Variants in FIBCD1 observed in about 807,000 individuals in gnomAD.
The protein encoded by FIBCD1 is fibrinogen C domain-containing protein 1.
A neutral mutation model predicts 45.1 loss-of-function variants in FIBCD1; 47 were observed. The ratio of observed to expected loss-of-function variants is 1.04; its 90% confidence interval spans 0.82 to 1.33. The LOEUF (loss-of-function observed/expected upper bound fraction) is 1.33. Ranked by LOEUF, FIBCD1 falls within the 40% of genes most tolerant of loss-of-function variation. The pLI, the probability that FIBCD1 is intolerant of heterozygous loss-of-function variation, is 0.00. For missense variants in FIBCD1, 653 were observed against 682.2 expected (o/e 0.96, Z 0.48); for synonymous variants, 313 against 308.1 (o/e 1.02, Z -0.17).
chr9:130,910,188 A>G (rs1361304212), intron 5 of FIBCD1, among the ~76,000 whole-genome samples: 3 of 152,188 alleles, frequency 2.0e-5, no homozygotes, highest in Admixed American at 6.5e-5. Flanking sequence ...CCAGGTGGGC[A>G]TGGGCTTGGC....
Position 130,926,636 on chromosome 9 carries a change from A to G in FIBCD1, c.553-2240T>C, listed in dbSNP as rs1398828808. Among the ~76,000 whole-genome samples the G allele has an allele frequency of 2.6e-5, 4 of 152,106 alleles. No individual in the cohort carries two copies. Among genetic ancestry groups the G allele is most frequent in the African/African-American group, 9.7e-5 (4 of 41,416 alleles). Reference sequence around the variant, plus strand: ...GGAGTTTGAGACCAGCCTGGCCAACATGGTGAAACTCTGTGTCTACTAAAA... The same window carrying G: ...GGAGTTTGAGACCAGCCTGGCCAACGTGGTGAAACTCTGTGTCTACTAAAA... On this transcript the variant is annotated intron_variant, in intron 2 of 6. Coordinates refer to ENST00000372338, the MANE Select transcript of FIBCD1 (RefSeq NM_032843.5). The surrounding 1 kb of genome is among the most constrained non-coding windows in gnomAD (Gnocchi z 4.1).
At chr9:130,913,060 G>A (rs912371858) in intron 4 of FIBCD1, among the ~76,000 whole-genome samples, 1 of 152,066 alleles carries the variant, frequency 6.6e-6, no homozygotes, top group African/African-American at 2.4e-5. Flanking sequence ...ACCAACGAGC[G>A]CCTGGGCTGC....
At chr9:130,936,969 AGG>A (rs1316092104) in intron 1 of FIBCD1, among the ~76,000 whole-genome samples, 2 of 60,644 alleles carry the variant, frequency 3.3e-5, no homozygotes, top group African/African-American at 9.0e-5. Flanking sequence ...CCCTGAGTGA[AGG>A]GGTGTGTGTG....
chr9:130,905,518 A>G, intron 5 of FIBCD1, 105 bp from the exon 6 acceptor site: 2 of 1,209,216 alleles, frequency 1.7e-6, no homozygotes, highest in South Asian at 1.5e-5. Flanking sequence ...GGGGACAGAA[A>G]GGGACAACCA....
At chr9:130,906,417 C>A (rs1263280876) in intron 5 of FIBCD1, among the ~76,000 whole-genome samples, 1 of 152,210 alleles carries the variant, frequency 6.6e-6, no homozygotes, top group East Asian at 1.9e-4. Context: ...GGAGGCTGTG[C>A]GGATCCTCCC....
intron 5 of FIBCD1, 45 bp downstream of exon 5, chr9:130,911,746 AG>A: frequency 3.3e-6 from 5 of 1,532,780 alleles, no homozygotes; most frequent in Non-Finnish European, 4.4e-6. Flanking sequence ...TCCGGAAGGC[AG>A]GGGGAGGAGG....
In FIBCD1 at chr9:130,906,530, C is replaced by T. The variant is rs72765098; in HGVS notation, c.947-1117G>A. Among the ~76,000 whole-genome samples, 715 of 152,330 alleles carry T rather than the reference C, an allele frequency of 4.7e-3. 2 individuals carry two copies. The highest frequency in any genetic ancestry group is 0.017 in the Middle Eastern group (5 of 294). On this transcript the variant is annotated intron_variant, in intron 5 of 6. Transcript: ENST00000372338. ...ACAGCAAAGCTGACCGCACGACCCA[C>T]GTTCCTCCCCAAGGACCTGCCAGGG...
intron 4 of FIBCD1, among the ~76,000 whole-genome samples, chr9:130,912,705 A>G (rs368351199): frequency 0.054 from 5,006 of 92,348 alleles, 273 homozygotes; most frequent in African/African-American, 0.34. Flanking sequence ...AAACTGTCTG[A>G]AAAAAAAAAA....
At chr9:130,916,007 G>A (rs1320449278) in intron 4 of FIBCD1, among the ~76,000 whole-genome samples, 2 of 152,192 alleles carry the variant, frequency 1.3e-5, no homozygotes, top group East Asian at 3.9e-4. Context: ...TCAGCTCACT[G>A]CAACCTCTGC....
intron 6 of FIBCD1, among the ~76,000 whole-genome samples, chr9:130,904,899 G>A (rs1338949583): frequency 6.6e-6 from 1 of 152,198 alleles, no homozygotes; most frequent in Admixed American, 6.5e-5. Context: ...CAGAAGATTC[G>A]CAGAAGCTCA....
chr9:130,914,957 G>A (rs532144647), intron 4 of FIBCD1, among the ~76,000 whole-genome samples: 4 of 152,344 alleles, frequency 2.6e-5, no homozygotes, highest in African/African-American at 7.2e-5. Flanking sequence ...TTACAGGGCC[G>A]AAGCTCGGAC....
At chr9:130,940,076 C>G (rs569105746), upstream of FIBCD1, among the ~76,000 whole-genome samples, 39 of 152,344 alleles carry the variant, frequency 2.6e-4, 1 homozygote, top group South Asian at 7.9e-3. Context: ...CCGCGCTGTT[C>G]CCTGGCACCG....
intron 1 of FIBCD1, 23 bp downstream of exon 1, chr9:130,938,513 C>G: frequency 1.4e-6 from 2 of 1,479,354 alleles, no homozygotes; most frequent in Non-Finnish European, 1.8e-6. Context: ...GCCCAGGCCC[C>G]GTGTCCCAGC....
chr9:130,927,010 G>C (rs866714074), intron 2 of FIBCD1, among the ~76,000 whole-genome samples: 3 of 151,968 alleles, frequency 2.0e-5, no homozygotes, highest in Admixed American at 1.3e-4. Flanking sequence ...GGCCGAGGTG[G>C]GTGGATTGCT....
In FIBCD1 at chr9:130,938,923, T is replaced by G. The variant is rs1199031440; in HGVS notation, c.-316A>C. On this transcript the variant is annotated 5_prime_UTR_variant, in exon 1 of 7. Coordinates refer to ENST00000372338, the MANE Select transcript of FIBCD1 (RefSeq NM_032843.5). The stretch of plus-strand genomic sequence containing the variant: ...CTCCTCCCTCGTCCCTCCTCCCTCC[T>G]TCTCAATCTCCGCATCTTTTCTGGT... 1 of 152,020 alleles carries G rather than the reference T, an allele frequency of 6.6e-6. No individual in the cohort carries two copies. Among genetic ancestry groups the G allele is most frequent in the Admixed American group, 6.5e-5 (1 of 15,282 alleles). The allele number at this position is 152,020 out of a possible 1,614,324, so 9.4% of individuals were successfully genotyped here. A position where few individuals can be genotyped will look rare whatever the true frequency, so the allele number is the denominator to read the frequency against.
intron 6 of FIBCD1, 102 bp from the exon 7 acceptor site, chr9:130,904,425 G>C (rs1831890318): frequency 1.4e-6 from 2 of 1,478,676 alleles, no homozygotes; most frequent in Non-Finnish European, 1.8e-6. Flanking sequence ...GCACCTGGAC[G>C]TGAGTGCATA....
chr9:130,910,590 T>C (rs1032634773), intron 5 of FIBCD1, among the ~76,000 whole-genome samples: 4 of 152,168 alleles, frequency 2.6e-5, no homozygotes, highest in African/African-American at 9.7e-5. Flanking sequence ...GGCTCCTGAG[T>C]CTGGTGGGGA....
At chr9:130,921,929 C>T (rs891178531) in intron 4 of FIBCD1, among the ~76,000 whole-genome samples, 15 of 152,362 alleles carry the variant, frequency 9.8e-5, no homozygotes, top group East Asian at 1.9e-4. Flanking sequence ...CATCTGCGCA[C>T]GCTGACTCCT....
At position 130,911,819 on chromosome 9, in the gene FIBCD1, C is replaced by T. The variant is rs775076933; in HGVS notation, c.919G>A (p.Gly307Ser). ...RGWDAYRDGF[G>S]RLTGEHWLGL... ...AGCCAGTGCTCCCCGGTGAGCCTGCCAAAGCCGTCTCGGTACGCATCCCAG... is the reference window on the plus strand; with the variant it reads ...AGCCAGTGCTCCCCGGTGAGCCTGCTAAAGCCGTCTCGGTACGCATCCCAG... Residue 307 changes from glycine (G) to serine (S), a missense_variant, in exon 5 of 7, where the codon GGC (glycine) becomes AGC (serine). Gly to Ser is a moderately conservative substitution (Grantham distance 56, BLOSUM62 0). Transcript: ENST00000372338. 16 of 1,604,390 alleles carry T rather than the reference C, an allele frequency of 1.0e-5. No individual in the cohort carries two copies. The highest frequency in any genetic ancestry group is 4.5e-5 in the East Asian group (2 of 44,110).
Sources: gnomAD v4.1 joint callset for allele counts (sites outside exome capture counted in the v4.1 genomes callset) on GRCh38, gnomAD v4.1.1 for gene constraint, Gnocchi (gnomAD v3.1) non-coding constraint, MANE v1.5 for transcripts, NCBI Gene and HGNC (gene_info 2026-07-23, HGNC 2026-07-21) for gene names.